The following SCAMP1 variants were observed in gnomAD, a reference collection of about 807,000 sequenced individuals.
SCAMP1 encodes secretory carrier-associated membrane protein 1.
Under a neutral mutation model 41.8 loss-of-function variants are expected in SCAMP1, and 15 were observed. The ratio of observed to expected loss-of-function variants is 0.36; its 90% CI spans 0.24 to 0.55. The LOEUF (loss-of-function observed/expected upper bound fraction) is 0.55. Ranked by LOEUF, SCAMP1 falls within the 20% of genes least tolerant of loss-of-function variation. The pLI is 0.86. For synonymous variants in SCAMP1, 135 were observed against 136.8 expected (o/e 0.99, Z 0.09); for missense variants, 341 against 412.6 (o/e 0.83, Z 1.50).
rs947104309 is a variant in SCAMP1 at position 78,394,528 on chromosome 5, A to G, written c.135+5614A>G. ...ACCACCATGCCTAGCTGAGTTAAAT[A>G]ATTTAGTATTAGTATCTCTTGAAAA... On this transcript the variant is annotated intron_variant, in intron 2 of 8. Coordinates refer to ENST00000621999, the MANE Select transcript of SCAMP1 (RefSeq NM_004866.6). Among the ~76,000 whole-genome samples, 3 of 152,150 alleles carry G rather than the reference A, an allele frequency of 2.0e-5. No homozygotes were observed. The East Asian group carries it at 5.8e-4, about 29-fold the overall frequency.
chr5:78,387,332 A>G (rs760090624), intron 1 of SCAMP1, among the ~76,000 whole-genome samples: 10 of 144,822 alleles, frequency 6.9e-5, no homozygotes, highest in Non-Finnish European at 6.0e-5. Flanking sequence ...ATGCTATTTC[A>G]CTGAAAATTT....
At chr5:78,453,166 C>T in intron 7 of SCAMP1, among the ~76,000 whole-genome samples, 1 of 151,204 alleles carries the variant, frequency 6.6e-6, no homozygotes, top group Non-Finnish European at 1.5e-5. Context: ...GTTTCTTTTG[C>T]TGTGCAGAAG....
At chr5:78,472,081 C>T (rs1414747988) in intron 8 of SCAMP1, among the ~76,000 whole-genome samples, 1 of 151,436 alleles carries the variant, frequency 6.6e-6, no homozygotes, top group Non-Finnish European at 1.5e-5. Flanking sequence ...ATGGAATTTT[C>T]CACTAGGTAA....
chr5:78,402,018 G>A (rs1297324356), intron 2 of SCAMP1, among the ~76,000 whole-genome samples: 1 of 135,322 alleles, frequency 7.4e-6, no homozygotes, highest in Non-Finnish European at 1.6e-5. Context: ...TTGATAAGAT[G>A]TACATTTTTT....
Position 78,476,308 on chromosome 5 carries a change from G to A in SCAMP1, c.*640G>A, listed in dbSNP as rs1225834866. ...TAAAAGAATTAGTGTTTTGGCTTCT[G>A]TACTGCTTATGGTTGTAGGATTCAG... is the stretch of plus-strand genomic sequence containing the variant. On this transcript the variant is annotated 3_prime_UTR_variant, in exon 9 of 9. Transcript: ENST00000621999. 6.6e-6 allele frequency: 1 copy of A among 152,056 alleles called. No individual in the cohort carries two copies. Among genetic ancestry groups the A allele is most frequent in the Non-Finnish European group, 1.5e-5 (1 of 67,988 alleles). The allele number at this position is 152,056 out of a possible 1,614,324, so 9.4% of individuals were successfully genotyped here. A position where few individuals can be genotyped will look rare whatever the true frequency, so the allele number is the denominator to read the frequency against.
At chr5:78,475,409 T>A in intron 8 of SCAMP1, 95 bp from the exon 9 acceptor site, 4 of 836,544 alleles carry the variant, frequency 4.8e-6, no homozygotes, top group Non-Finnish European at 7.0e-6. Flanking sequence ...TACAATCTAG[T>A]ATTTTTATGT....
intron 1 of SCAMP1, 31 bp downstream of exon 1, chr5:78,360,759 C>A: frequency 6.3e-7 from 1 of 1,585,012 alleles, no homozygotes; most frequent in East Asian, 2.3e-5. Context: ...CTCCTGCCGC[C>A]GCGACGCGTC....
At chr5:78,376,045 C>T (rs1168146717) in intron 1 of SCAMP1, among the ~76,000 whole-genome samples, 3 of 152,102 alleles carry the variant, frequency 2.0e-5, no homozygotes, top group Admixed American at 6.6e-5. Context: ...ACTGTTCATA[C>T]ACCCCCTCCC....
chr5:78,387,325 C>G (rs1410036812), intron 1 of SCAMP1, among the ~76,000 whole-genome samples: 1 of 144,912 alleles, frequency 6.9e-6, no homozygotes, highest in African/African-American at 2.5e-5. Context: ...TTTATTTATG[C>G]TATTTCACTG....
intron 8 of SCAMP1, among the ~76,000 whole-genome samples, chr5:78,468,157 G>A (rs1030552017): frequency 6.6e-6 from 1 of 152,016 alleles, no homozygotes; most frequent in African/African-American, 2.4e-5. Context: ...GGTGCTGCAG[G>A]GCCCAGTATG....
At chr5:78,415,086 TG>T (rs1752177862) in intron 2 of SCAMP1, among the ~76,000 whole-genome samples, 1 of 151,962 alleles carries the variant, frequency 6.6e-6, no homozygotes, top group Admixed American at 6.6e-5. Context: ...CCCAAGTAGC[TG>T]GGATTACAGG....
intron 6 of SCAMP1, among the ~76,000 whole-genome samples, chr5:78,426,380 A>G (rs1233329503): frequency 6.6e-6 from 1 of 152,236 alleles, no homozygotes; most frequent in African/African-American, 2.4e-5. Context: ...ACTGTCTTCC[A>G]CAATGGTTGA....
At chr5:78,469,399 AT>A (rs767100655) in intron 8 of SCAMP1, among the ~76,000 whole-genome samples, 30 of 151,828 alleles carry the variant, frequency 2.0e-4, no homozygotes, top group Non-Finnish European at 4.1e-4. Flanking sequence ...ATACTTTTGA[AT>A]TCCTAGAAAA....
chr5:78,445,433 T>C, intron 6 of SCAMP1, among the ~76,000 whole-genome samples: 1 of 152,246 alleles, frequency 6.6e-6, no homozygotes, highest in East Asian at 1.9e-4. Flanking sequence ...CCGTAAATAC[T>C]TTATCGTAAA....
intron 7 of SCAMP1, among the ~76,000 whole-genome samples, chr5:78,456,625 C>T (rs2112223708): frequency 6.6e-6 from 1 of 150,434 alleles, no homozygotes; most frequent in East Asian, 2.0e-4. Flanking sequence ...ACATTTTTTC[C>T]TTCATTTCAA....
chr5:78,387,424 C>T (rs923220610), intron 1 of SCAMP1, among the ~76,000 whole-genome samples: 12 of 145,836 alleles, frequency 8.2e-5, no homozygotes, highest in Admixed American at 1.4e-4. Flanking sequence ...CCTCCTTGAT[C>T]GGCTTAAAAG....
intron 6 of SCAMP1, among the ~76,000 whole-genome samples, chr5:78,440,032 C>A (rs942748112): frequency 3.3e-5 from 5 of 152,154 alleles, no homozygotes; most frequent in African/African-American, 1.2e-4. Context: ...ACATAGTTCT[C>A]GTGCCGTGGT....
intron 1 of SCAMP1, among the ~76,000 whole-genome samples, chr5:78,366,693 TAAA>T (rs1276498779): frequency 6.6e-6 from 1 of 152,204 alleles, no homozygotes; most frequent in African/African-American, 2.4e-5. Context: ...CTTATCTGTT[TAAA>T]ATTTTGAGGC....
At chr5:78,459,189 A>G (rs994692509) in intron 7 of SCAMP1, 56 bp from the exon 8 acceptor site, 11 of 813,516 alleles carry the variant, frequency 1.4e-5, no homozygotes, top group South Asian at 7.3e-5. Context: ...ATATTATGCT[A>G]TTTTTAAAAA....
Sources: allele counts gnomAD v4.1 joint callset (sites outside exome capture counted in the v4.1 genomes callset), GRCh38; gene constraint gnomAD v4.1.1; transcripts MANE v1.5; gene names NCBI Gene and HGNC (gene_info 2026-07-23, HGNC 2026-07-21).